The following DNMT1 variants were observed in gnomAD, a reference collection of about 807,000 sequenced individuals.
DNMT1 encodes DNA methyltransferase 1, also known as DNA (cytosine-5)-methyltransferase 1.
Under a neutral mutation model 205.3 loss-of-function variants are expected in DNMT1, and 24 were observed. That is an observed-to-expected ratio of 0.12 (90% CI 0.08 to 0.16). The LOEUF is 0.16. Among genes scored for constraint, DNMT1 ranks in the 10% least tolerant of loss-of-function variants. The probability of loss-of-function intolerance (pLI) is 1.00; values close to 1 mark genes in which losing one functional copy is unlikely to be tolerated. For synonymous variants in DNMT1, 817 were observed against 839.8 expected (o/e 0.97, Z 0.47); for missense variants, 1,293 against 2,177.7 (o/e 0.59, Z 8.09).
At chr19:10,168,509 C>A (rs755534845) in intron 9 of DNMT1, 145 bp from the exon 10 acceptor site, 2 of 803,856 alleles carry the variant, frequency 2.5e-6, no homozygotes, top group Non-Finnish European at 4.2e-6. Context: ...GGCACAGTAG[C>A]TCATGCCTGT....
Position 10,151,702 on chromosome 19 carries a change from C to G in DNMT1, c.2117+48G>C. On this transcript the variant is annotated intron_variant, in intron 23 of 40. Transcript: ENST00000359526. This position sits in a 1 kb window ranked among gnomAD's most constrained non-coding sequence, Gnocchi z 5.0. ...GCCCTTCTCCACAGTGCATCTGCCA[C>G]CAGCTGGCAAGTCCTCTGCCACAGG... is the stretch of plus-strand genomic sequence containing the variant. The G allele has an allele frequency of 1.2e-6, 2 of 1,610,796 alleles. No homozygotes were observed. The highest frequency in any genetic ancestry group is 1.7e-6 in the Non-Finnish European group (2 of 1,177,186).
chr19:10,138,500 G>T lies in DNMT1; in HGVS notation c.4054C>A (p.Pro1352Thr). 6.2e-7 allele frequency: 1 copy of T among 1,613,688 alleles called. No homozygotes were observed. Among genetic ancestry groups the T allele is most frequent in the Non-Finnish European group, 8.5e-7 (1 of 1,180,038 alleles). The stretch of plus-strand genomic sequence containing the variant: ...ACCACGCTCAGCTGGCAGGCCCGGG[G>T]AGCAAACACGTGCAGTGGCTCCGGG... The part of the protein sequence containing the change: ...LFPEPLHVFA[P>T]RACQLSVVVD... Residue 1352 changes from proline to threonine, a missense_variant, in exon 35 of 41, where the codon CCC becomes ACC. Transcript: ENST00000359526. The surrounding 1 kb of genome is among the most constrained non-coding windows in gnomAD (Gnocchi z 4.1).
intron 37 of DNMT1, among the ~76,000 whole-genome samples, chr19:10,136,884 C>T (rs1472447425): frequency 6.6e-6 from 1 of 152,096 alleles, no homozygotes; most frequent in Non-Finnish European, 1.5e-5. Context: ...GCCTTGGTTT[C>T]CCAAAGTGCT....
intron 1 of DNMT1, among the ~76,000 whole-genome samples, chr19:10,186,124 G>A (rs1474803284): frequency 6.6e-6 from 1 of 152,164 alleles, no homozygotes; most frequent in Non-Finnish European, 1.5e-5. Context: ...CCTGGGGTGT[G>A]AAGGACAAGG....
At chr19:10,172,867 C>A (rs138607049) in intron 9 of DNMT1, among the ~76,000 whole-genome samples, 1 of 151,954 alleles carries the variant, frequency 6.6e-6, no homozygotes, top group African/African-American at 2.4e-5. Context: ...AAATAAGTAG[C>A]AAGGGTCCTC....
Position 10,148,808 on chromosome 19 carries a change from G to C in DNMT1, c.2720+76C>G, listed in dbSNP as rs552649443. ...GGGGGCCGTTGGCGGAAGCCAACCA[G>C]ACGGAAGCACACGGGAAAAGGGAGT... On this transcript the variant is annotated intron_variant, in intron 27 of 40. Coordinates refer to ENST00000359526, the MANE Select transcript of DNMT1 (RefSeq NM_001130823.3). 21 of 1,611,372 alleles carry C rather than the reference G, an allele frequency of 1.3e-5. No individual in the cohort carries two copies. The African/African-American group carries it at 2.1e-4, about 16-fold the overall frequency.
chr19:10,155,656 A>T (rs1224084204), intron 19 of DNMT1, among the ~76,000 whole-genome samples, 197 bp downstream of exon 19: 1 of 152,022 alleles, frequency 6.6e-6, no homozygotes, highest in African/African-American at 2.4e-5. Flanking sequence ...ACCTGCTCTT[A>T]CAACTGGAGA....
At chr19:10,175,824 A>G (rs915424902) in intron 6 of DNMT1, among the ~76,000 whole-genome samples, 1 of 152,182 alleles carries the variant, frequency 6.6e-6, no homozygotes, top group Non-Finnish European at 1.5e-5. Flanking sequence ...CTAGTGTCAG[A>G]GAAGAGACCT....
At chr19:10,143,485 A>C (rs1356165538) in intron 29 of DNMT1, among the ~76,000 whole-genome samples, 1 of 147,492 alleles carries the variant, frequency 6.8e-6, no homozygotes, top group Non-Finnish European at 1.5e-5. Flanking sequence ...TCAGCCTCCC[A>C]AAGTGCTAGG....
chr19:10,176,899 G>A (rs1476348782), intron 6 of DNMT1, among the ~76,000 whole-genome samples: 2 of 152,044 alleles, frequency 1.3e-5, no homozygotes, highest in Non-Finnish European at 2.9e-5. Context: ...TGTAAAATAT[G>A]AGTAATTTTT....
chr19:10,187,401 G>A (rs1015867452), intron 1 of DNMT1, among the ~76,000 whole-genome samples: 1 of 151,940 alleles, frequency 6.6e-6, no homozygotes, highest in Non-Finnish European at 1.5e-5. Context: ...CCAGGAATTC[G>A]AGACTAGCCT....
Position 10,141,000 on chromosome 19 carries a change from G to C in DNMT1, c.3395-91C>G. The C allele has an allele frequency of 6.2e-7, 1 of 1,613,310 alleles. No individual in the cohort carries two copies. Among genetic ancestry groups the C allele is most frequent in the Non-Finnish European group, 8.5e-7 (1 of 1,179,640 alleles). ...CCTTGTTAACTCAGGCGGCCTCGCT[G>C]TCCCAGAGTCAGTAACACCAGAGGT... On this transcript the variant is annotated intron_variant, in intron 31 of 40. Transcript: ENST00000359526. The surrounding 1 kb of genome is among the most constrained non-coding windows in gnomAD (Gnocchi z 8.4).
rs2089547024 is a variant in DNMT1, at chr19:10,138,860, C to T, written c.3949-255G>A. Reference sequence around the variant, plus strand: ...AGCAAACCCTGCGGGGAAGTCCGGCCAGCTCTGAAAGCACTGCAAGGGCCC... The same window carrying T: ...AGCAAACCCTGCGGGGAAGTCCGGCTAGCTCTGAAAGCACTGCAAGGGCCC... On this transcript the variant is annotated intron_variant, in intron 34 of 40. Transcript: ENST00000359526. The surrounding 1 kb of genome is among the most constrained non-coding windows in gnomAD (Gnocchi z 4.1). Among the ~76,000 whole-genome samples, 1 of 152,180 alleles carries T rather than the reference C, an allele frequency of 6.6e-6. No homozygotes were observed. Among genetic ancestry groups the T allele is most frequent in the Admixed American group, 6.5e-5 (1 of 15,286 alleles).
chr19:10,165,286 G>A (rs982731083), intron 11 of DNMT1, among the ~76,000 whole-genome samples: 4 of 152,186 alleles, frequency 2.6e-5, no homozygotes, highest in Admixed American at 2.6e-4. Context: ...ATGGGGGACA[G>A]TGGCTCTTAG....
intron 5 of DNMT1, among the ~76,000 whole-genome samples, chr19:10,178,932 C>G (rs1008625310): frequency 3.3e-5 from 5 of 151,362 alleles, no homozygotes; most frequent in Admixed American, 6.6e-5. Context: ...CGAAATCATC[C>G]TGGCTAATAT....
At chr19:10,175,436 C>T (rs2038920971) in intron 7 of DNMT1, 104 bp downstream of exon 7, 1 of 1,353,386 alleles carries the variant, frequency 7.4e-7, no homozygotes, top group Non-Finnish European at 1.1e-6. Flanking sequence ...CTAAATAGAG[C>T]CCTAGACAGG....
Position 10,137,800 on chromosome 19 carries a change from G to A in DNMT1, c.4293+32C>T, listed in dbSNP as rs374484590. The stretch of plus-strand genomic sequence containing the variant: ...CCACGAGGCTGCTGGGCTGGGCCTC[G>A]AGGAGGAGCCGCTCTGTCAGGGTGC... On this transcript the variant is annotated intron_variant, in intron 36 of 40. Coordinates refer to ENST00000359526, the MANE Select transcript of DNMT1 (RefSeq NM_001130823.3). This position sits in a 1 kb window ranked among gnomAD's most constrained non-coding sequence, Gnocchi z 6.4. 74 of 1,606,030 alleles carry A rather than the reference G, an allele frequency of 4.6e-5. No homozygotes were observed. Among genetic ancestry groups the A allele is most frequent in the African/African-American group, 2.7e-4 (20 of 74,734 alleles).
At chr19:10,149,097 G>A in intron 26 of DNMT1, 80 bp from the exon 27 acceptor site, 1 of 1,577,096 alleles carries the variant, frequency 6.3e-7, no homozygotes, top group East Asian at 2.3e-5. Flanking sequence ...GCCGAGGCGG[G>A]TGGATCACCT....
chr19:10,134,583 G>A (rs1393542574), intron 39 of DNMT1, among the ~76,000 whole-genome samples: 1 of 152,268 alleles, frequency 6.6e-6, no homozygotes. Flanking sequence ...GCTGGGAGCA[G>A]TGGCTCACGC....
Sources: gnomAD v4.1 joint callset for allele counts (sites outside exome capture counted in the v4.1 genomes callset) on GRCh38, gnomAD v4.1.1 for gene constraint, Gnocchi (gnomAD v3.1) non-coding constraint, MANE v1.5 for transcripts, NCBI Gene and HGNC (gene_info 2026-07-23, HGNC 2026-07-21) for gene names.